SORCS2: variants seen among roughly 807,000 people sequenced by gnomAD.
SORCS2 encodes VPS10 domain-containing receptor SorCS2.
SORCS2 carries 100 observed loss-of-function variants against 141.6 expected under a neutral mutation model. The ratio of observed to expected loss-of-function variants is 0.71; its 90% confidence interval spans 0.60 to 0.83. SORCS2 has a LOEUF of 0.83. SORCS2 is among the 40% of genes least tolerant of loss of function. The pLI, the probability that SORCS2 is intolerant of heterozygous loss-of-function variation, is 0.00. For missense variants in SORCS2, 1,646 were observed against 1,560.2 expected (o/e 1.05, Z -0.93); for synonymous variants, 789 against 676.9 (o/e 1.17, Z -2.57).
chr4:7,529,234 G>A (rs550236328), intron 2 of SORCS2, among the ~76,000 whole-genome samples: 1 of 152,232 alleles, frequency 6.6e-6, no homozygotes, highest in African/African-American at 2.4e-5. Context: ...TGTCTAAGGG[G>A]ACTTTCTACC....
intron 3 of SORCS2, among the ~76,000 whole-genome samples, chr4:7,560,257 T>A (rs1033703402): frequency 1.9e-4 from 29 of 152,310 alleles, no homozygotes; most frequent in African/African-American, 6.0e-4. Context: ...ACAGTCTTTA[T>A]TAACTCAGCT....
At chr4:7,410,501 A>G (rs1725234440) in intron 2 of SORCS2, among the ~76,000 whole-genome samples, 1 of 152,164 alleles carries the variant, frequency 6.6e-6, no homozygotes. Context: ...TTCAGACCTC[A>G]TTGTAGACCT....
intron 3 of SORCS2, among the ~76,000 whole-genome samples, chr4:7,596,833 C>T (rs551327840): frequency 5.3e-5 from 8 of 152,112 alleles, no homozygotes; most frequent in South Asian, 2.1e-4. Flanking sequence ...GCTCAGGCCA[C>T]GCAGTGAGCA....
chr4:7,372,725 T>G (rs1229462725), intron 1 of SORCS2, among the ~76,000 whole-genome samples: 1 of 152,164 alleles, frequency 6.6e-6, no homozygotes, highest in Non-Finnish European at 1.5e-5. Flanking sequence ...AGTTCCCCTG[T>G]GCCCTTTGTG....
intron 9 of SORCS2, among the ~76,000 whole-genome samples, chr4:7,681,928 G>A (rs1332954919): frequency 6.6e-6 from 1 of 152,192 alleles, no homozygotes; most frequent in Non-Finnish European, 1.5e-5. Flanking sequence ...CACACAGGAG[G>A]CCTTGATAAG....
intron 10 of SORCS2, among the ~76,000 whole-genome samples, chr4:7,684,012 C>T (rs763493792): frequency 1.1e-4 from 16 of 152,064 alleles, no homozygotes; most frequent in Non-Finnish European, 1.8e-4. Flanking sequence ...GAGGAAGAGG[C>T]GAAATGGGCC....
intron 3 of SORCS2, among the ~76,000 whole-genome samples, chr4:7,604,368 A>G (rs987720682): frequency 4.6e-5 from 7 of 152,166 alleles, no homozygotes; most frequent in African/African-American, 1.7e-4. Flanking sequence ...CCCAGGCTGG[A>G]GTGCAGTGGC....
intron 3 of SORCS2, among the ~76,000 whole-genome samples, chr4:7,602,690 G>C (rs368671828): frequency 1.3e-5 from 2 of 151,454 alleles, no homozygotes; most frequent in African/African-American, 4.9e-5. Flanking sequence ...CGGCCGGGCA[G>C]AGGGGCTCCT....
chr4:7,562,586 T>C (rs1369210870), intron 3 of SORCS2, among the ~76,000 whole-genome samples: 16 of 152,228 alleles, frequency 1.1e-4, no homozygotes, highest in Admixed American at 1.0e-3. Flanking sequence ...TTTTGGTTGG[T>C]ATTGCTTTAA....
intron 1 of SORCS2, among the ~76,000 whole-genome samples, chr4:7,338,140 G>A (rs1338405047): frequency 2.7e-5 from 4 of 150,272 alleles, no homozygotes; most frequent in African/African-American, 9.8e-5. Context: ...GATGGATGTT[G>A]GTTGCATGGA....
intron 1 of SORCS2, among the ~76,000 whole-genome samples, chr4:7,320,403 T>C (rs781623219): frequency 6.6e-6 from 1 of 152,234 alleles, no homozygotes; most frequent in Non-Finnish European, 1.5e-5. Context: ...GGCATTGTAC[T>C]GATGTCTAGA....
intron 6 of SORCS2, 36 bp downstream of exon 6, chr4:7,661,600 G>C (rs1722173617): frequency 6.5e-7 from 1 of 1,544,360 alleles, no homozygotes; most frequent in African/African-American, 1.4e-5. Flanking sequence ...GGGTATCCCT[G>C]AGTCACCTCG....
At position 7,470,819 on chromosome 4, in the gene SORCS2, C is replaced by T. The variant is rs556652797; in HGVS notation, c.549-60711C>T. On this transcript the variant is annotated intron_variant, in intron 2 of 26. Transcript: ENST00000507866. The stretch of plus-strand genomic sequence containing the variant: ...ACGCTCTGACCACCCCACTGCTTCA[C>T]CTGCATGAGCTCATTGCTGCATCCT... Among the ~76,000 whole-genome samples, 4 of 152,374 alleles carry T rather than the reference C, an allele frequency of 2.6e-5. No individual in the cohort carries two copies. In the South Asian group the frequency reaches 8.3e-4, roughly 32 times the overall value.
intron 1 of SORCS2, among the ~76,000 whole-genome samples, chr4:7,308,997 C>A (rs996965260): frequency 6.6e-6 from 1 of 152,172 alleles, no homozygotes; most frequent in African/African-American, 2.4e-5. Context: ...TATTTTGGAG[C>A]TTTTCAGAGC....
At chr4:7,536,835 G>GTT (rs1560366423) in intron 3 of SORCS2, among the ~76,000 whole-genome samples, 50 of 31,948 alleles carry the variant, frequency 1.6e-3, no homozygotes, top group East Asian at 3.5e-3. Flanking sequence ...TCAGATGTGG[G>GTT]GGGGGGGGGC....
At chr4:7,670,828 G>A (rs1442614014) in intron 8 of SORCS2, among the ~76,000 whole-genome samples, 1 of 152,146 alleles carries the variant, frequency 6.6e-6, no homozygotes, top group Non-Finnish European at 1.5e-5. Context: ...GTGCAGGGGT[G>A]CCATAAGGAC....
intron 1 of SORCS2, among the ~76,000 whole-genome samples, chr4:7,196,788 G>C (rs1727197550): frequency 6.6e-6 from 1 of 152,114 alleles, no homozygotes; most frequent in South Asian, 2.1e-4. Flanking sequence ...CCCGATATTT[G>C]TGTATATTTT....
chr4:7,628,318 C>A (rs556038028), intron 3 of SORCS2, among the ~76,000 whole-genome samples: 1 of 152,082 alleles, frequency 6.6e-6, no homozygotes, highest in Non-Finnish European at 1.5e-5. Context: ...GTCAGGAGAT[C>A]CAGACCATCC....
At chr4:7,730,565 G>A (rs552555022) in intron 23 of SORCS2, among the ~76,000 whole-genome samples, 1 of 152,306 alleles carries the variant, frequency 6.6e-6, no homozygotes, top group South Asian at 2.1e-4. Flanking sequence ...CAAAAGGAAC[G>A]AAGCCCTTGA....
Sources: gnomAD v4.1 joint callset for allele counts (sites outside exome capture counted in the v4.1 genomes callset) on GRCh38, gnomAD v4.1.1 for gene constraint, MANE v1.5 for transcripts, NCBI Gene and HGNC (gene_info 2026-07-23, HGNC 2026-07-21) for gene names.